The following TSHR variants were observed in gnomAD, a reference collection of about 807,000 sequenced individuals.
TSHR encodes the protein thyroid stimulating hormone receptor.
In TSHR, 51 loss-of-function variants were observed where a neutral mutation model predicts 64.1. That is an observed-to-expected ratio of 0.80 (90% CI 0.64 to 1.01). TSHR has a LOEUF of 1.01. Among genes scored for constraint, TSHR ranks in the 50% least tolerant of loss-of-function variants. TSHR has a pLI of 0.00. For synonymous variants in TSHR, 361 were observed against 361.9 expected (o/e 1.00, Z 0.03); for missense variants, 877 against 942.8 (o/e 0.93, Z 0.91).
chr14:81,073,750 G>A (rs1207022092), intron 3 of TSHR, among the ~76,000 whole-genome samples: 3 of 152,068 alleles, frequency 2.0e-5, no homozygotes, highest in Non-Finnish European at 4.4e-5. Flanking sequence ...AATCATTTAT[G>A]TATCCTTCAT....
intron 6 of TSHR, among the ~76,000 whole-genome samples, chr14:81,095,907 G>A (rs532247314): frequency 1.3e-5 from 2 of 152,066 alleles, no homozygotes; most frequent in Non-Finnish European, 2.9e-5. Context: ...AGGCATGGTG[G>A]CACATGCCTA....
chr14:80,955,936 A>G, intron 1 of TSHR, 86 bp downstream of exon 1: 2 of 1,523,760 alleles, frequency 1.3e-6, no homozygotes, highest in East Asian at 2.3e-5. Context: ...GCAGCTCAAT[A>G]ACAGCCCGAA....
chr14:81,079,058 T>C (rs954663059), intron 3 of TSHR: 2 of 152,206 alleles, frequency 1.3e-5, no homozygotes, highest in African/African-American at 4.8e-5. Flanking sequence ...CATTGAGGAT[T>C]TGTAAGAAAA....
intron 7 of TSHR, among the ~76,000 whole-genome samples, chr14:81,102,204 T>C (rs1595117180): frequency 6.6e-6 from 1 of 150,502 alleles, no homozygotes. Context: ...TAAACAATAG[T>C]GAATGAGACA....
At chr14:81,089,152 T>TAAA (rs780515331) in intron 4 of TSHR, among the ~76,000 whole-genome samples, 32,032 of 151,948 alleles carry the variant, frequency 0.21, 4,596 homozygotes, top group African/African-American at 0.41. Flanking sequence ...CATGCCCAGC[T>TAAA]AATTTTTGTA....
chr14:81,080,456 G>A (rs1887821598), intron 3 of TSHR, among the ~76,000 whole-genome samples: 1 of 152,092 alleles, frequency 6.6e-6, no homozygotes, highest in African/African-American at 2.4e-5. Context: ...CACCTGCCAG[G>A]CAATTTAGAG....
intron 1 of TSHR, among the ~76,000 whole-genome samples, chr14:80,961,521 A>G (rs945213045): frequency 4.6e-5 from 7 of 152,294 alleles, no homozygotes; most frequent in Non-Finnish European, 8.8e-5. Flanking sequence ...AAGAATTCTG[A>G]CCTGAAAGCT....
chr14:81,119,996 AG>A (rs1442178401), intron 8 of TSHR, among the ~76,000 whole-genome samples: 3 of 119,508 alleles, frequency 2.5e-5, no homozygotes, highest in Non-Finnish European at 3.4e-5. Flanking sequence ...ACATGGACAC[AG>A]GAAGGGGAAC....
rs1383357951 is a variant in TSHR, at chr14:81,144,501, T to C, written c.*148T>C. 1.2e-6 allele frequency: 1 copy of C among 829,412 alleles called. No homozygotes were observed. Among genetic ancestry groups the C allele is most frequent in the East Asian group, 2.6e-5 (1 of 37,844 alleles). 51.4% of individuals were successfully genotyped at this position (829,412 alleles called of 1,614,324 possible). A position where few individuals can be genotyped will look rare whatever the true frequency, so the allele number is the denominator to read the frequency against. On this transcript the variant is annotated 3_prime_UTR_variant, in exon 10 of 10. Coordinates refer to ENST00000298171, the MANE Select transcript of TSHR (RefSeq NM_000369.5). ...CAATGTTTCATGGGGCAAGAGTTTA[T>C]CTCTGGAGAGTGATTAGTATTAACC...
chr14:81,009,132 C>T (rs1156440194), intron 1 of TSHR, among the ~76,000 whole-genome samples: 3 of 152,116 alleles, frequency 2.0e-5, no homozygotes, highest in East Asian at 1.9e-4. Context: ...AAAATAGCTT[C>T]GGTAGTCTCA....
chr14:81,089,371 T>A (rs1328472775), intron 4 of TSHR, among the ~76,000 whole-genome samples: 1 of 152,198 alleles, frequency 6.6e-6, no homozygotes, highest in Non-Finnish European at 1.5e-5. Context: ...AAAGGATGTC[T>A]GGAAAGCCAT....
At chr14:81,023,221 G>A (rs1883865877) in intron 1 of TSHR, among the ~76,000 whole-genome samples, 2 of 151,996 alleles carry the variant, frequency 1.3e-5, no homozygotes, top group Admixed American at 6.5e-5. Flanking sequence ...GCTTGATCTG[G>A]GACATCAGTC....
At chr14:80,977,688 G>A (rs79058377) in intron 1 of TSHR, among the ~76,000 whole-genome samples, 12,680 of 152,192 alleles carry the variant, frequency 0.083, 695 homozygotes, top group South Asian at 0.21. Context: ...TGGCCCAAGA[G>A]GCAGGGCTGC....
At chr14:81,005,130 T>C (rs1889525876) in intron 1 of TSHR, among the ~76,000 whole-genome samples, 1 of 152,120 alleles carries the variant, frequency 6.6e-6, no homozygotes. Context: ...AGACTACAAA[T>C]CCAATTTGTA....
intron 1 of TSHR, among the ~76,000 whole-genome samples, chr14:81,016,527 A>T (rs977973923): frequency 6.6e-6 from 1 of 152,108 alleles, no homozygotes; most frequent in African/African-American, 2.4e-5. Flanking sequence ...TTAGCCCCTC[A>T]CCAGATATAT....
At chr14:81,027,036 C>CA (rs1417772986) in intron 1 of TSHR, among the ~76,000 whole-genome samples, 17,384 of 76,152 alleles carry the variant, frequency 0.23, 3,518 homozygotes, top group African/African-American at 0.54. Context: ...AACTCCATCT[C>CA]AAAAAAAAAA....
At chr14:80,974,096 G>A (rs532499471) in intron 1 of TSHR, among the ~76,000 whole-genome samples, 40 of 152,274 alleles carry the variant, frequency 2.6e-4, no homozygotes, top group South Asian at 6.2e-4. Flanking sequence ...AACAGAATAC[G>A]CCTTGATCAC....
intron 1 of TSHR, chr14:80,958,107 C>T (rs1167103735): frequency 6.6e-6 from 1 of 151,658 alleles, no homozygotes; most frequent in Non-Finnish European, 1.5e-5. Flanking sequence ...GGCGGTAGAA[C>T]TCTTTGTTGA....
intron 1 of TSHR, among the ~76,000 whole-genome samples, chr14:80,997,192 G>C (rs2268460): frequency 0.19 from 28,436 of 152,208 alleles, 2,973 homozygotes; most frequent in Admixed American, 0.27. Context: ...GAAACTGGAA[G>C]AAGGTGTCTC....
Sources: allele counts gnomAD v4.1 joint callset (sites outside exome capture counted in the v4.1 genomes callset), GRCh38; gene constraint gnomAD v4.1.1; transcripts MANE v1.5; gene names NCBI Gene and HGNC (gene_info 2026-07-23, HGNC 2026-07-21).